EBF2: variants seen among roughly 807,000 people sequenced by gnomAD.
The protein encoded by EBF2 is transcription factor COE2.
A neutral mutation model predicts 72.8 loss-of-function variants in EBF2; 21 were observed. The observed-to-expected ratio is 0.29, with a 90% CI of 0.20 to 0.42. The LOEUF (loss-of-function observed/expected upper bound fraction) is 0.42. EBF2 is among the 10% of genes least tolerant of loss of function. The pLI is 1.00. For missense variants in EBF2, 637 were observed against 731.2 expected (o/e 0.87, Z 1.49); for synonymous variants, 299 against 274.2 (o/e 1.09, Z -0.89).
chr8:25,979,866 A>G (rs1224532991), intron 6 of EBF2, among the ~76,000 whole-genome samples: 2 of 152,190 alleles, frequency 1.3e-5, no homozygotes, highest in Non-Finnish European at 2.9e-5. Context: ...GACCCTGTTT[A>G]AATCTTATTA....
chr8:25,869,928 G>A (rs1424710224), intron 10 of EBF2, among the ~76,000 whole-genome samples: 1 of 152,146 alleles, frequency 6.6e-6, no homozygotes, highest in African/African-American at 2.4e-5. Context: ...TGGGATCTGT[G>A]TCCTGCTTCT....
intron 6 of EBF2, among the ~76,000 whole-genome samples, chr8:26,028,384 T>C (rs1481753497): frequency 1.3e-5 from 2 of 152,174 alleles, no homozygotes; most frequent in African/African-American, 2.4e-5. Context: ...GTGTGAGAAA[T>C]AGGTTGGACC....
chr8:26,038,097 G>A (rs931813196), intron 5 of EBF2, among the ~76,000 whole-genome samples: 1 of 152,168 alleles, frequency 6.6e-6, no homozygotes, highest in Admixed American at 6.5e-5. Context: ...GTATCAACCA[G>A]CTCTAACTGA....
intron 6 of EBF2, among the ~76,000 whole-genome samples, chr8:25,960,524 A>C (rs1804018808): frequency 6.6e-6 from 1 of 152,238 alleles, no homozygotes; most frequent in African/African-American, 2.4e-5. Flanking sequence ...TTAAAATTGT[A>C]GAGGCGCCAT....
chr8:26,029,916 T>C (rs1354101715), intron 6 of EBF2, among the ~76,000 whole-genome samples: 1 of 152,142 alleles, frequency 6.6e-6, no homozygotes, highest in African/African-American at 2.4e-5. Flanking sequence ...TGCCCTTTTT[T>C]TTCTTTTCTT....
intron 7 of EBF2, among the ~76,000 whole-genome samples, chr8:25,900,653 G>T (rs191089466): frequency 6.6e-6 from 1 of 152,008 alleles, no homozygotes; most frequent in African/African-American, 2.4e-5. Context: ...ACACCCAAGG[G>T]TCTCTCATGA....
intron 6 of EBF2, among the ~76,000 whole-genome samples, chr8:25,961,003 A>G (rs1308927738): frequency 6.6e-6 from 1 of 152,178 alleles, no homozygotes; most frequent in South Asian, 2.1e-4. Flanking sequence ...ATAAGTACCT[A>G]TATTGATCAA....
Position 25,914,755 on chromosome 8 carries a change from G to A in EBF2, c.552-6200C>T, listed in dbSNP as rs181802050. On this transcript the variant is annotated intron_variant, in intron 6 of 15. Transcript: ENST00000520164. ...ATGAAGTTTAAACTCATTTTTGTAAGCTGATGTTCTACCGAATCCATTTAG... is the reference window on the plus strand; with the variant it reads ...ATGAAGTTTAAACTCATTTTTGTAAACTGATGTTCTACCGAATCCATTTAG... 4.6e-5 allele frequency among the ~76,000 whole-genome samples: 7 copies of A among 152,294 alleles called. No homozygotes were observed. In the East Asian group the frequency reaches 1.3e-3, roughly 29 times the overall value.
At chr8:26,005,297 A>ATAAT (rs1804830598) in intron 6 of EBF2, among the ~76,000 whole-genome samples, 1 of 6,496 alleles carries the variant, frequency 1.5e-4, no homozygotes, top group Admixed American at 2.1e-3. Flanking sequence ...TTATATAATT[A>ATAAT]TATATAATTA....
chr8:26,033,576 A>G (rs1805444532), intron 5 of EBF2, among the ~76,000 whole-genome samples: 2 of 152,174 alleles, frequency 1.3e-5, no homozygotes, highest in African/African-American at 2.4e-5. Flanking sequence ...GAAACAACAC[A>G]CACTGGGGCC....
chr8:25,985,901 C>T (rs1286783857), intron 6 of EBF2, among the ~76,000 whole-genome samples: 2 of 145,696 alleles, frequency 1.4e-5, no homozygotes, highest in African/African-American at 5.0e-5. Flanking sequence ...ACTGGGGAGG[C>T]TGATGTGGGA....
intron 6 of EBF2, among the ~76,000 whole-genome samples, chr8:26,005,293 A>ATTATATATAATTATATATTATAT (rs1378946857): frequency 4.3e-4 from 1 of 2,326 alleles, no homozygotes; most frequent in African/African-American, 1.3e-3. Flanking sequence ...ATAATTATAT[A>ATTATATATAATTATATATTATAT]ATTATATATA....
At chr8:25,863,727 A>T (rs967925653) in intron 10 of EBF2, among the ~76,000 whole-genome samples, 3 of 152,132 alleles carry the variant, frequency 2.0e-5, no homozygotes, top group African/African-American at 7.2e-5. Context: ...TTCTATCATA[A>T]CAATGCCTCT....
intron 6 of EBF2, among the ~76,000 whole-genome samples, chr8:25,987,512 G>C (rs1388231655): frequency 6.6e-6 from 1 of 152,110 alleles, no homozygotes; most frequent in East Asian, 1.9e-4. Context: ...CCTTTTATGT[G>C]CTCGACACTT....
chr8:25,884,409 G>GTCCACAGCTGGCGCC (rs1802655912), intron 10 of EBF2, among the ~76,000 whole-genome samples: 1 of 152,148 alleles, frequency 6.6e-6, no homozygotes, highest in Non-Finnish European at 1.5e-5. Flanking sequence ...GAGAAGAGGG[G>GTCCACAGCTGGCGCC]ATGGATCTCC....
At chr8:25,860,222 G>A (rs1802187931) in intron 13 of EBF2, among the ~76,000 whole-genome samples, 1 of 152,132 alleles carries the variant, frequency 6.6e-6, no homozygotes, top group Non-Finnish European at 1.5e-5. Flanking sequence ...TGCTTCACAT[G>A]TAAAAGCACA....
chr8:25,944,940 A>T (rs1803741076), intron 6 of EBF2, among the ~76,000 whole-genome samples: 1 of 152,044 alleles, frequency 6.6e-6, no homozygotes, highest in African/African-American at 2.4e-5. Flanking sequence ...AGTGTTCAGG[A>T]CTGCTCTTGA....
intron 6 of EBF2, among the ~76,000 whole-genome samples, chr8:25,966,825 GAA>G (rs1278713437): frequency 2.6e-5 from 4 of 152,200 alleles, no homozygotes; most frequent in Admixed American, 6.5e-5. Context: ...AAGGCAAGGA[GAA>G]ATTCTCCAGA....
chr8:25,911,550 T>A (rs1803131311), intron 6 of EBF2, among the ~76,000 whole-genome samples: 1 of 152,226 alleles, frequency 6.6e-6, no homozygotes, highest in Non-Finnish European at 1.5e-5. Flanking sequence ...CCCCAAGGGT[T>A]AGCCTTGACC....
Sources: allele counts gnomAD v4.1 joint callset (sites outside exome capture counted in the v4.1 genomes callset), GRCh38; gene constraint gnomAD v4.1.1; transcripts MANE v1.5; gene names NCBI Gene and HGNC (gene_info 2026-07-23, HGNC 2026-07-21).